The following ERICH1 variants were observed in gnomAD, a reference collection of about 807,000 sequenced individuals.
ERICH1 encodes the protein glutamate-rich protein 1.
In ERICH1, 56 loss-of-function variants were observed where a neutral mutation model predicts 39.6. The observed-to-expected ratio is 1.41, with a 90% CI of 1.14 to 1.77. The LOEUF (loss-of-function observed/expected upper bound fraction) is 1.77, where lower values mean the gene tolerates loss of function less well. Ranked by LOEUF, ERICH1 falls within the 40% of genes most tolerant of loss-of-function variation. ERICH1 has a pLI of 0.00. For missense variants in ERICH1, 826 were observed against 575.4 expected (o/e 1.44, Z -4.45); for synonymous variants, 313 against 223.6 (o/e 1.40, Z -3.57).
chr8:641,052 T>C (rs752899), intron 3 of ERICH1: 29,402 of 152,106 alleles, frequency 0.19, 3,629 homozygotes, highest in East Asian at 0.49. Context: ...ATTAGGAGAA[T>C]ACTTGAGTCA....
rs578099231 is a variant in ERICH1 at position 731,198 on chromosome 8, G to C, written c.-37C>G. On this transcript the variant is annotated 5_prime_UTR_variant, in exon 1 of 6. Coordinates refer to ENST00000262109, the MANE Select transcript of ERICH1 (RefSeq NM_207332.3). The stretch of plus-strand genomic sequence containing the variant: ...CCGCGGACCTCAGACCACGGCGCGC[G>C]GTCCTGAGCTGAGCGCCGTGCCTTC... 6.8e-6 allele frequency: 10 copies of C among 1,470,612 alleles called. No individual in the cohort carries two copies. The East Asian group carries it at 2.2e-4, about 33-fold the overall frequency. The allele number at this position is 1,470,612 out of a possible 1,614,324, so 91.1% of individuals were successfully genotyped here.
At chr8:688,124 G>T (rs1365379557) in intron 3 of ERICH1, among the ~76,000 whole-genome samples, 1 of 152,198 alleles carries the variant, frequency 6.6e-6, no homozygotes, top group Non-Finnish European at 1.5e-5. Context: ...CAGGAGAGGA[G>T]GGAGGGTCTG....
intron 1 of ERICH1, chr8:725,310 G>A (rs1563369973): frequency 6.5e-6 from 1 of 155,002 alleles, no homozygotes; most frequent in African/African-American, 2.4e-5. Flanking sequence ...ACCAGCGGCA[G>A]TGACCAGCTT....
rs566923251 is a variant in ERICH1, at chr8:728,414, G to A, written c.22+2726C>T. Among the ~76,000 whole-genome samples, 7 of 152,214 alleles carry A rather than the reference G, an allele frequency of 4.6e-5. No individual in the cohort carries two copies. In the South Asian group the frequency reaches 1.0e-3, roughly 23 times the overall value. On this transcript the variant is annotated intron_variant, in intron 1 of 5. Transcript: ENST00000262109. ...CAGTCACTCCTTCCAGGAGTCACCC[G>A]GGCAGCTCCTAAGGTCCTCACCCAT...
chr8:714,034 C>G (rs1353593937), intron 2 of ERICH1, among the ~76,000 whole-genome samples: 1 of 104,256 alleles, frequency 9.6e-6, no homozygotes, highest in African/African-American at 4.4e-5. Context: ...GGATGTGCTG[C>G]ACCCAGGCGG....
At chr8:646,828 GT>G (rs1799504720) in intron 3 of ERICH1, among the ~76,000 whole-genome samples, 1 of 69,332 alleles carries the variant, frequency 1.4e-5, no homozygotes, top group South Asian at 5.5e-4. Context: ...TTCCCTGCTG[GT>G]GCCTCTGGTG....
At chr8:673,047 G>C (rs938083917) in intron 4 of ERICH1, among the ~76,000 whole-genome samples, 5 of 152,254 alleles carry the variant, frequency 3.3e-5, no homozygotes, top group African/African-American at 1.2e-4. Context: ...TGCTTCTCTG[G>C]ATACGCCAGG....
At chr8:679,663 T>C (rs191647752) in intron 3 of ERICH1, among the ~76,000 whole-genome samples, 43 of 152,346 alleles carry the variant, frequency 2.8e-4, no homozygotes, top group African/African-American at 1.0e-3. Flanking sequence ...CTAAATCGGA[T>C]ACCGGATACC....
intron 3 of ERICH1, among the ~76,000 whole-genome samples, chr8:633,677 A>G (rs1241757323): frequency 6.6e-6 from 1 of 152,224 alleles, no homozygotes; most frequent in Non-Finnish European, 1.5e-5. Context: ...TCCTGATATA[A>G]AGGTGGTGTA....
At chr8:619,577 T>C (rs901795716) in intron 3 of ERICH1, among the ~76,000 whole-genome samples, 1 of 152,110 alleles carries the variant, frequency 6.6e-6, no homozygotes, top group Non-Finnish European at 1.5e-5. Context: ...GAATCAGAAA[T>C]GGTAAATAAG....
rs113576739 is a variant in ERICH1 at position 616,641 on chromosome 8, G to A, written c.977-1357C>T. On this transcript the variant is annotated intron_variant, in intron 3 of 3. Coordinates refer to the ERICH1 transcript ENST00000522706. Reference sequence around the variant, plus strand: ...GGGAGAGGGAGGCAGAGACAGAGAAGGAGAGACAGACGGGGGCGCGGGGGA... The same window carrying A: ...GGGAGAGGGAGGCAGAGACAGAGAAAGAGAGACAGACGGGGGCGCGGGGGA... 3.1e-4 allele frequency: 143 copies of A among 454,194 alleles called. 2 individuals carry two copies. Among genetic ancestry groups the A allele is most frequent in the African/African-American group, 2.4e-3 (117 of 49,604 alleles). 28.1% of individuals were successfully genotyped at this position (454,194 alleles called of 1,614,324 possible).
At chr8:695,842 T>A (rs943724986) in intron 2 of ERICH1, among the ~76,000 whole-genome samples, 2 of 140,992 alleles carry the variant, frequency 1.4e-5, no homozygotes, top group South Asian at 2.4e-4. Context: ...TCCCTCCCCA[T>A]CAGCCTGCAC....
At chr8:652,636 A>G (rs929967656) in intron 3 of ERICH1, among the ~76,000 whole-genome samples, 9 of 152,216 alleles carry the variant, frequency 5.9e-5, no homozygotes, top group African/African-American at 2.2e-4. Context: ...GGCATGAATA[A>G]TGGTGTTGAG....
At position 673,621 on chromosome 8, in the gene ERICH1, C is replaced by T. The variant is rs139686055; in HGVS notation, c.731G>A (p.Arg244Gln). The T allele has an allele frequency of 1.5e-5, 23 of 1,554,686 alleles. No individual in the cohort carries two copies. The highest frequency in any genetic ancestry group is 2.7e-5 in the African/African-American group (2 of 74,126). ...GTCCGCACCCTCTTCCTGCCTGGCCCGTGTCAGGTCTTCCTCGCTAGCGTC... is the reference window on the plus strand; with the variant it reads ...GTCCGCACCCTCTTCCTGCCTGGCCTGTGTCAGGTCTTCCTCGCTAGCGTC... The part of the protein sequence containing the change: ...GADASEEDLT[R>Q]ARQEEGADAS... The change falls in exon 4 of 6, where the codon CGG (arginine) becomes CAG (glutamine). Residue 244 changes from arginine to glutamine, a missense_variant. Transcript: ENST00000262109.
At chr8:680,874 C>G (rs990042356) in intron 3 of ERICH1, among the ~76,000 whole-genome samples, 4 of 152,204 alleles carry the variant, frequency 2.6e-5, no homozygotes, top group African/African-American at 9.6e-5. Flanking sequence ...GTCCTGGGGT[C>G]TGTGAGCAGA....
At chr8:669,966 G>A (rs577526056) in intron 4 of ERICH1, among the ~76,000 whole-genome samples, 6 of 152,044 alleles carry the variant, frequency 3.9e-5, no homozygotes, top group Non-Finnish European at 7.4e-5. Flanking sequence ...TCACATCTCC[G>A]TCCTGCCCCC....
chr8:651,525 C>T (rs532051157), intron 3 of ERICH1, among the ~76,000 whole-genome samples: 101 of 152,212 alleles, frequency 6.6e-4, no homozygotes, highest in African/African-American at 2.4e-3. Context: ...CGGAGAGGCT[C>T]CCACTGCCCA....
chr8:714,880 G>A (rs143705325), intron 2 of ERICH1, among the ~76,000 whole-genome samples: 10 of 150,714 alleles, frequency 6.6e-5, no homozygotes, highest in Non-Finnish European at 1.0e-4. Context: ...CGTGTCTCTC[G>A]GTGGGATGTG....
Position 631,585 on chromosome 8 carries a change from A to G in ERICH1, c.977-16301T>C, listed in dbSNP as rs569505753. The stretch of plus-strand genomic sequence containing the variant: ...ATTTCGGTCTCTCCTCCCACAATAG[A>G]CACTGCCAGGGAGTGGGGGCAATGC... On this transcript the variant is annotated intron_variant, in intron 3 of 3. Transcript: ENST00000522706. Among the ~76,000 whole-genome samples, 34 of 152,176 alleles carry G rather than the reference A, an allele frequency of 2.2e-4. No homozygotes were observed. In the South Asian group the frequency reaches 7.1e-3, roughly 32 times the overall value.
Sources: gnomAD v4.1 joint callset for allele counts (sites outside exome capture counted in the v4.1 genomes callset) on GRCh38, gnomAD v4.1.1 for gene constraint, MANE v1.5 for transcripts, NCBI Gene and HGNC (gene_info 2026-07-23, HGNC 2026-07-21) for gene names.